Variants in PPM1H observed in about 807,000 individuals in gnomAD.
PPM1H encodes protein phosphatase, Mg2+/Mn2+ dependent 1H, also known as protein phosphatase 1H.
A neutral mutation model predicts 54.9 loss-of-function variants in PPM1H; 27 were observed. The observed-to-expected ratio is 0.49, with a 90% CI of 0.36 to 0.68. The LOEUF (loss-of-function observed/expected upper bound fraction) is 0.68. PPM1H is among the 30% of genes least tolerant of loss of function. The probability of loss-of-function intolerance (pLI) is 0.00; values close to 1 mark genes in which losing one functional copy is unlikely to be tolerated. For missense variants in PPM1H, 596 were observed against 667.8 expected (o/e 0.89, Z 1.19); for synonymous variants, 305 against 270.8 (o/e 1.13, Z -1.24).
intron 8 of PPM1H, among the ~76,000 whole-genome samples, chr12:62,670,936 C>T (rs962952814): frequency 6.6e-6 from 1 of 152,144 alleles, no homozygotes; most frequent in Non-Finnish European, 1.5e-5. Context: ...GTGTCCTATA[C>T]ATTAACCTGT....
intron 1 of PPM1H, among the ~76,000 whole-genome samples, chr12:62,884,240 C>A (rs1421186208): frequency 1.3e-5 from 2 of 151,930 alleles, no homozygotes; most frequent in South Asian, 2.1e-4. Flanking sequence ...GTAATCCCAG[C>A]ACTTGAGAGG....
intron 8 of PPM1H, among the ~76,000 whole-genome samples, chr12:62,668,198 C>T (rs1382666539): frequency 6.6e-6 from 1 of 152,166 alleles, no homozygotes; most frequent in Non-Finnish European, 1.5e-5. Context: ...ATTCTATGTC[C>T]ATCCTACTTC....
intron 1 of PPM1H, among the ~76,000 whole-genome samples, chr12:62,854,890 A>G (rs1285758369): frequency 6.6e-6 from 1 of 152,148 alleles, no homozygotes; most frequent in East Asian, 1.9e-4. Context: ...GGGAGAATAG[A>G]CCAAAATTTT....
intron 6 of PPM1H, among the ~76,000 whole-genome samples, chr12:62,707,298 C>T (rs919273111): frequency 6.6e-6 from 1 of 152,192 alleles, no homozygotes; most frequent in Non-Finnish European, 1.5e-5. Context: ...GAAGGCTTTA[C>T]CATCCCTTAT....
At chr12:62,738,651 G>A (rs1381207597) in intron 4 of PPM1H, among the ~76,000 whole-genome samples, 2 of 152,106 alleles carry the variant, frequency 1.3e-5, no homozygotes, top group East Asian at 3.9e-4. Context: ...ACAACAAATG[G>A]AAGTGGCTTG....
chr12:62,894,389 C>T (rs954943787), intron 1 of PPM1H, among the ~76,000 whole-genome samples: 9 of 152,100 alleles, frequency 5.9e-5, no homozygotes, highest in Admixed American at 2.0e-4. Context: ...TAGATGAGAA[C>T]GTTGCTCCTC....
In PPM1H at chr12:62,724,410, C is replaced by G. The variant is rs578110733; in HGVS notation, c.955-4121G>C. Among the ~76,000 whole-genome samples the G allele has an allele frequency of 2.0e-5, 3 of 152,264 alleles. No homozygotes were observed. In the South Asian group the frequency reaches 6.2e-4, roughly 32 times the overall value. The stretch of plus-strand genomic sequence containing the variant: ...TTGATGGTGCTTTAAACCAGGGACC[C>G]TTGGGCTCTTTTTGGCTGATATCCA... On this transcript the variant is annotated intron_variant, in intron 5 of 9. Transcript: ENST00000228705.
Position 62,737,587 on chromosome 12 carries a change from C to A in PPM1H, c.870-1G>T. ...TTCTCCATTTCTGATGATTATGGCCCTGAAATGGTGAAAATGCATTGTCAG... is the reference window on the plus strand; with the variant it reads ...TTCTCCATTTCTGATGATTATGGCCATGAAATGGTGAAAATGCATTGTCAG... On this transcript the variant is annotated splice_acceptor_variant, in intron 4 of 9. Coordinates refer to ENST00000228705, the MANE Select transcript of PPM1H (RefSeq NM_020700.2). LOFTEE classifies it high-confidence loss of function. The A allele has an allele frequency of 6.4e-7, 1 of 1,559,168 alleles. No homozygotes were observed. The highest frequency in any genetic ancestry group is 8.7e-7 in the Non-Finnish European group (1 of 1,147,198).
At chr12:62,673,184 C>G (rs1002384744) in intron 8 of PPM1H, among the ~76,000 whole-genome samples, 51 of 152,176 alleles carry the variant, frequency 3.4e-4, no homozygotes, top group African/African-American at 1.2e-3. Context: ...CTAATGTGCT[C>G]TGAATGAGCC....
At chr12:62,821,819 A>G (rs1176092463) in intron 2 of PPM1H, among the ~76,000 whole-genome samples, 1 of 152,218 alleles carries the variant, frequency 6.6e-6, no homozygotes, top group Admixed American at 6.5e-5. Flanking sequence ...GCCAAATTGT[A>G]AAGACCTTCG....
At position 62,829,045 on chromosome 12, in the gene PPM1H, C is replaced by T. The variant is rs529151903; in HGVS notation, c.411+3069G>A. 1.1e-4 allele frequency among the ~76,000 whole-genome samples: 17 copies of T among 152,152 alleles called. No homozygotes were observed. In the East Asian group the frequency reaches 2.9e-3, roughly 26 times the overall value. ...AGCCACTGTGAAAAACGGTGGTAGT[C>T]CCTCAAAAAATTAAACAGAATTATC... On this transcript the variant is annotated intron_variant, in intron 2 of 9. Transcript: ENST00000228705.
At chr12:62,805,039 T>TA (rs1004610806) in intron 2 of PPM1H, among the ~76,000 whole-genome samples, 2 of 152,168 alleles carry the variant, frequency 1.3e-5, no homozygotes, top group Non-Finnish European at 2.9e-5. Flanking sequence ...TGTTTTTTAT[T>TA]AAAAAACGGA....
At chr12:62,914,661 G>A (rs78179311) in intron 1 of PPM1H, among the ~76,000 whole-genome samples, 1,628 of 152,292 alleles carry the variant, frequency 0.011, 38 homozygotes, top group African/African-American at 0.036. Context: ...TATCATTCAA[G>A]AGGAAGACAA....
At chr12:62,706,899 T>C (rs1045351574) in intron 6 of PPM1H, among the ~76,000 whole-genome samples, 6 of 152,236 alleles carry the variant, frequency 3.9e-5, no homozygotes, top group Admixed American at 3.9e-4. Context: ...AGTTAAAACA[T>C]ACCAGTACTC....
chr12:62,904,005 C>T (rs1871236217), intron 1 of PPM1H, among the ~76,000 whole-genome samples: 1 of 151,882 alleles, frequency 6.6e-6, no homozygotes, highest in Non-Finnish European at 1.5e-5. Flanking sequence ...AAACCTCATA[C>T]CATAAAAAGA....
intron 6 of PPM1H, among the ~76,000 whole-genome samples, chr12:62,702,454 G>A (rs1164076055): frequency 6.6e-6 from 1 of 151,542 alleles, no homozygotes; most frequent in Non-Finnish European, 1.5e-5. Flanking sequence ...TTAACCCATG[G>A]GCCAGGAACC....
chr12:62,856,089 G>C (rs1011040841), intron 1 of PPM1H, among the ~76,000 whole-genome samples: 26 of 152,306 alleles, frequency 1.7e-4, no homozygotes, highest in African/African-American at 2.9e-4. Flanking sequence ...TAATGCATTT[G>C]GATGGCTTCT....
rs1555205218 is a variant in PPM1H, at chr12:62,908,422, A to AG, written c.245+26069_245+26070insC. Among the ~76,000 whole-genome samples, 1,084 of 134,228 alleles carry AG rather than the reference A, an allele frequency of 8.1e-3. 18 individuals carry two copies. Among genetic ancestry groups the AG allele is most frequent in the Middle Eastern group, 0.045 (11 of 246 alleles). 88.1% of individuals were successfully genotyped at this position (134,228 alleles called of 152,430 possible). A position where few individuals can be genotyped will look rare whatever the true frequency, so the allele number is the denominator to read the frequency against. ...GACTCCGTCTCAAAAAAAAAAAAAA[A>AG]AAAGAAAGAAAGAAAGAAATTGAGT... On this transcript the variant is annotated intron_variant, in intron 1 of 9. Coordinates refer to ENST00000228705, the MANE Select transcript of PPM1H (RefSeq NM_020700.2).
At chr12:62,863,197 C>CCT (rs532322110) in intron 1 of PPM1H, among the ~76,000 whole-genome samples, 1,766 of 146,716 alleles carry the variant, frequency 0.012, 21 homozygotes, top group South Asian at 0.03. Flanking sequence ...ATTTTTCTGA[C>CCT]TTTTTTTTTT....
Sources: allele counts gnomAD v4.1 joint callset (sites outside exome capture counted in the v4.1 genomes callset), GRCh38; gene constraint gnomAD v4.1.1; transcripts MANE v1.5; gene names NCBI Gene and HGNC (gene_info 2026-07-23, HGNC 2026-07-21).